Variants in NAA25 observed in about 807,000 individuals in gnomAD.
The protein encoded by NAA25 is N-terminal acetyltransferase B complex subunit NAA25.
In NAA25, 30 loss-of-function variants were observed where a neutral mutation model predicts 132.5. The ratio of observed to expected loss-of-function variants is 0.23; its 90% confidence interval spans 0.17 to 0.31. NAA25 has a LOEUF of 0.31. Ranked by LOEUF, NAA25 falls within the 10% of genes least tolerant of loss-of-function variation. The probability of loss-of-function intolerance (pLI) is 1.00; values close to 1 mark genes in which losing one functional copy is unlikely to be tolerated. For synonymous variants in NAA25, 359 were observed against 401.9 expected (o/e 0.89, Z 1.28); for missense variants, 771 against 1,150.4 (o/e 0.67, Z 4.77).
chr12:112,064,442 G>GCT (rs2078684527), intron 11 of NAA25, among the ~76,000 whole-genome samples: 1 of 152,130 alleles, frequency 6.6e-6, no homozygotes, highest in African/African-American at 2.4e-5. Context: ...TGTTGGCCAG[G>GCT]CTGGTCTCGA....
chr12:112,090,775 A>G lies in NAA25; in HGVS notation c.234T>C (p.Asp78=). 1 of 1,614,110 alleles carries G rather than the reference A, an allele frequency of 6.2e-7. No homozygotes were observed. The highest frequency in any genetic ancestry group is 8.5e-7 in the Non-Finnish European group (1 of 1,179,988). The change falls in exon 3 of 24, where the codon GAT becomes GAC. Residue 78 remains aspartate, a synonymous_variant. Transcript: ENST00000261745. Reference sequence around the variant, plus strand: ...TAGTCAGTGCCTGCAGTGAGTTGTCATCTGTGGGTTCAAGGGCTGCCACCT... The same window carrying G: ...TAGTCAGTGCCTGCAGTGAGTTGTCGTCTGTGGGTTCAAGGGCTGCCACCT... ...AQEVAALEPT[D]DNSLQALTIL...
At chr12:112,038,526 A>C (rs912552291) in intron 22 of NAA25, among the ~76,000 whole-genome samples, 1 of 152,184 alleles carries the variant, frequency 6.6e-6, no homozygotes, top group South Asian at 2.1e-4. Context: ...CCAGGTAAAG[A>C]TCTTTATGGG....
At chr12:112,097,002 C>T (rs1336616855) in intron 1 of NAA25, among the ~76,000 whole-genome samples, 1 of 152,156 alleles carries the variant, frequency 6.6e-6, no homozygotes, top group East Asian at 1.9e-4. Flanking sequence ...ATATAATGTA[C>T]CTACTTGCCC....
At chr12:112,095,282 A>C (rs966409873) in intron 1 of NAA25, among the ~76,000 whole-genome samples, 1 of 151,846 alleles carries the variant, frequency 6.6e-6, no homozygotes, top group African/African-American at 2.4e-5. Context: ...CTAAAAATAC[A>C]AAAAATTAGC....
chr12:112,042,049 G>A lies in NAA25; in HGVS notation c.2430C>T (p.Asp810=), dbSNP rs1304049519. Residue 810 remains aspartate (D), a synonymous_variant, in exon 20 of 24, where the codon GAC becomes GAT. Transcript: ENST00000261745. ...RIENSFKSLL[D]QLKDVFSKCK... is the part of the protein sequence containing the mutation. ...AGTAGGAAAACTTACCTTTTAACTG[G>A]TCTAGTAAAGACTTAAAACTATTTT... The A allele has an allele frequency of 6.8e-7, 1 of 1,480,708 alleles. No homozygotes were observed. The highest frequency in any genetic ancestry group is 2.7e-5 in the East Asian group (1 of 37,414). 91.7% of individuals were successfully genotyped at this position (1,480,708 alleles called of 1,614,324 possible).
chr12:112,060,479 GA>G (rs777953409), intron 12 of NAA25, 120 bp from the exon 13 acceptor site: 3 of 639,924 alleles, frequency 4.7e-6, no homozygotes, highest in Non-Finnish European at 5.5e-6. Context: ...AGAAAATTAA[GA>G]ATAAGATAAG....
At chr12:112,061,688 A>G (rs755668418) in intron 11 of NAA25, among the ~76,000 whole-genome samples, 25 of 152,182 alleles carry the variant, frequency 1.6e-4, no homozygotes, top group Non-Finnish European at 3.2e-4. Context: ...ATGTTCCATA[A>G]CTTACAGCAT....
At position 112,033,299 on chromosome 12, in the gene NAA25, C is replaced by T. The variant is rs1593739874; in HGVS notation, c.2730G>A (p.Gly910=). The T allele has an allele frequency of 6.2e-7, 1 of 1,613,278 alleles. No individual in the cohort carries two copies. The highest frequency in any genetic ancestry group is 1.7e-5 in the Admixed American group (1 of 59,840). The change falls in exon 23 of 24, where the codon GGG becomes GGA. Residue 910 remains glycine (G), a synonymous_variant. Transcript: ENST00000261745. The part of the protein sequence containing the change: ...LISNVVDHIK[G]LETHLIALKL... ...TAAGTGCAATTAGATGTGTTTCAAG[C>T]CCTTTAATATGATCCACAACATTGG...
At chr12:112,075,173 C>T (rs2078878261) in intron 8 of NAA25, among the ~76,000 whole-genome samples, 1 of 151,826 alleles carries the variant, frequency 6.6e-6, no homozygotes, top group Middle Eastern at 3.4e-3. Context: ...GAATTCAGCA[C>T]CATGGTGGCA....
intron 22 of NAA25, among the ~76,000 whole-genome samples, chr12:112,037,912 A>C (rs1441880236): frequency 6.6e-6 from 1 of 152,072 alleles, no homozygotes; most frequent in Non-Finnish European, 1.5e-5. Flanking sequence ...AAAGAAGGGT[A>C]AACACACATG....
At chr12:112,074,801 C>T in intron 8 of NAA25, 37 bp from the exon 9 acceptor site, 1 of 1,352,164 alleles carries the variant, frequency 7.4e-7, no homozygotes, top group Non-Finnish European at 1.0e-6. Context: ...AGGATTAAAC[C>T]CAAGTTGTGA....
At chr12:112,073,432 A>G (rs530159224) in intron 9 of NAA25, among the ~76,000 whole-genome samples, 2 of 152,080 alleles carry the variant, frequency 1.3e-5, no homozygotes, top group Non-Finnish European at 2.9e-5. Context: ...TTTTTAAAAG[A>G]TCCCATTTAT....
Position 112,071,908 on chromosome 12 carries a change from A to G in NAA25, c.1023T>C (p.Asp341=), listed in dbSNP as rs139614912. The G allele has an allele frequency of 6.2e-6, 10 of 1,612,488 alleles. No individual in the cohort carries two copies. Among genetic ancestry groups the G allele is most frequent in the East Asian group, 2.2e-5 (1 of 44,816 alleles). Residue 341 remains aspartate, a synonymous_variant, in exon 10 of 24, where the codon GAT becomes GAC. Transcript: ENST00000261745. ...IRRLRSQGCN[D]EYKLGDPEEL... is the part of the protein sequence containing the mutation. ...ATGGTTTCTTACCCAGTTTGTACTC[A>G]TCGTTACAACCTTGACTTCGTAAAC...
At chr12:112,037,811 T>G (rs936055978) in intron 22 of NAA25, 3 of 151,794 alleles carry the variant, frequency 2.0e-5, no homozygotes. Context: ...AGCAATCAGC[T>G]AAATCCAGAT....
intron 10 of NAA25, 182 bp from the exon 11 acceptor site, chr12:112,069,174 T>C: frequency 1.8e-6 from 1 of 541,552 alleles, no homozygotes; most frequent in Non-Finnish European, 3.3e-6. Context: ...GTTCTACTCT[T>C]TCCCCCTTTT....
At position 112,043,619 on chromosome 12, in the gene NAA25, T is replaced by G; in HGVS notation, c.2250+6A>C. The G allele has an allele frequency of 6.2e-7, 1 of 1,613,972 alleles. No individual in the cohort carries two copies. Among genetic ancestry groups the G allele is most frequent in the Non-Finnish European group, 8.5e-7 (1 of 1,179,876 alleles). The stretch of plus-strand genomic sequence containing the variant: ...AACTTTGATGGTAAATATGTATTGA[T>G]GGTACCTGAATATCCTTCTCAATAA... On this transcript the variant is annotated splice_donor_region_variant and intron_variant, in intron 18 of 23. Coordinates refer to ENST00000261745, the MANE Select transcript of NAA25 (RefSeq NM_024953.4).
intron 1 of NAA25, among the ~76,000 whole-genome samples, chr12:112,107,158 G>A (rs2079374256): frequency 6.6e-6 from 1 of 151,702 alleles, no homozygotes; most frequent in Non-Finnish European, 1.5e-5. Flanking sequence ...TACTCAGGAG[G>A]CTGAGGCAGG....
chr12:112,043,567 TAA>T, intron 18 of NAA25, 56 bp downstream of exon 18: 1 of 1,586,674 alleles, frequency 6.3e-7, no homozygotes, highest in Non-Finnish European at 8.6e-7. Context: ...CTCCTGTTTA[TAA>T]AACAGTCATA....
chr12:112,060,412 C>A, intron 12 of NAA25, 53 bp from the exon 13 acceptor site: 2 of 1,249,356 alleles, frequency 1.6e-6, no homozygotes, highest in South Asian at 1.3e-5. Context: ...CTATTACTGA[C>A]CCCAAAGGAG....
Sources: gnomAD v4.1 joint callset for allele counts (sites outside exome capture counted in the v4.1 genomes callset) on GRCh38, gnomAD v4.1.1 for gene constraint, MANE v1.5 for transcripts, NCBI Gene and HGNC (gene_info 2026-07-23, HGNC 2026-07-21) for gene names.